IQCE: variants seen among roughly 807,000 people sequenced by gnomAD.
IQCE encodes the protein IQ motif containing E.
IQCE carries 115 observed loss-of-function variants against 96.0 expected under a neutral mutation model. That is an observed-to-expected ratio of 1.20 (90% CI 1.03 to 1.40). The LOEUF (loss-of-function observed/expected upper bound fraction) is 1.40, where lower values mean the gene tolerates loss of function less well. Among genes scored for constraint, IQCE ranks in the 40% most tolerant of loss-of-function variants. The pLI is 0.00. For missense variants in IQCE, 1,041 were observed against 909.1 expected (o/e 1.15, Z -1.87); for synonymous variants, 412 against 371.2 (o/e 1.11, Z -1.26).
rs970949970 is a variant in IQCE, at chr7:2,598,366, C to T, written c.1441-99C>T. On this transcript the variant is annotated intron_variant, in intron 16 of 21. Coordinates refer to ENST00000402050, the MANE Select transcript of IQCE (RefSeq NM_152558.5). ...ACATTAGTGAGACTCACCTGATAAG[C>T]GCAGCCGCACCATGCCGGGTAATAT... The T allele has an allele frequency of 1.0e-4, 124 of 1,212,038 alleles. 1 individual carries two copies. In the African/African-American group the frequency reaches 1.4e-3, roughly 13 times the overall value. The allele number at this position is 1,212,038 out of a possible 1,614,324, so 75.1% of individuals were successfully genotyped here.
At chr7:2,564,291 G>T (rs1248983679) in intron 1 of IQCE, among the ~76,000 whole-genome samples, 1 of 151,308 alleles carries the variant, frequency 6.6e-6, no homozygotes, top group Non-Finnish European at 1.5e-5. Context: ...TGATTATTTA[G>T]GAATTTGTTG....
chr7:2,593,859 T>G (rs895568812), intron 15 of IQCE, among the ~76,000 whole-genome samples: 2 of 152,192 alleles, frequency 1.3e-5, no homozygotes, highest in Non-Finnish European at 2.9e-5. Context: ...AAATAGTGAA[T>G]TCTATGTGAT....
chr7:2,608,572 C>T (rs999897042), intron 21 of IQCE, among the ~76,000 whole-genome samples: 1 of 152,202 alleles, frequency 6.6e-6, no homozygotes, highest in Admixed American at 6.5e-5. Context: ...TGTACAGACA[C>T]GCAAAGCGGT....
chr7:2,598,739 CAGGT>C, intron 17 of IQCE, 107 bp downstream of exon 17: 2 of 995,690 alleles, frequency 2.0e-6, no homozygotes, highest in Non-Finnish European at 1.4e-6. Context: ...AGCCAGGCCC[CAGGT>C]GTCTGAGCAC....
rs116591300 is a variant in IQCE at position 2,582,307 on chromosome 7, T to C, written c.631-273T>C. 9.6e-3 allele frequency among the ~76,000 whole-genome samples: 1,457 copies of C among 152,224 alleles called. 19 individuals are homozygous for C. Among genetic ancestry groups the C allele is most frequent in the African/African-American group, 0.033 (1,384 of 41,532 alleles). On this transcript the variant is annotated intron_variant, in intron 8 of 21. Coordinates refer to ENST00000402050, the MANE Select transcript of IQCE (RefSeq NM_152558.5). ...CTGTCCCCCAGGTGTGCAGTGTGCT[T>C]GGGGGAGGGCTGCCAGTCGGTCAGT... is the stretch of plus-strand genomic sequence containing the variant.
chr7:2,578,548 C>T (rs752641350), intron 8 of IQCE, 22 bp downstream of exon 8: 5 of 1,613,582 alleles, frequency 3.1e-6, no homozygotes, highest in Non-Finnish European at 3.4e-6. Context: ...GTGTGCAGGA[C>T]AGAGCCTTTC....
At chr7:2,590,503 G>A (rs191786144) in intron 14 of IQCE, among the ~76,000 whole-genome samples, 2 of 152,356 alleles carry the variant, frequency 1.3e-5, no homozygotes, top group Non-Finnish European at 2.9e-5. Context: ...GGTGGCTCAT[G>A]CCTGTAATCC....
chr7:2,607,624 C>T, intron 21 of IQCE: 3 of 1,034,890 alleles, frequency 2.9e-6, no homozygotes, highest in Non-Finnish European at 3.6e-6. Flanking sequence ...GGATGCCACA[C>T]CCTGGTGTGA....
chr7:2,588,027 G>A (rs1783263549), intron 13 of IQCE, 150 bp downstream of exon 13: 2 of 757,026 alleles, frequency 2.6e-6, no homozygotes, highest in East Asian at 5.3e-5. Flanking sequence ...ACTTCTTCCA[G>A]GTCTAGACAA....
At chr7:2,599,168 C>T (rs1260784068) in intron 17 of IQCE, among the ~76,000 whole-genome samples, 4 of 152,206 alleles carry the variant, frequency 2.6e-5, no homozygotes, top group African/African-American at 9.7e-5. Flanking sequence ...CCTTTCTTTT[C>T]TTTAACCAAC....
chr7:2,566,314 C>A (rs1400317714), intron 1 of IQCE, among the ~76,000 whole-genome samples: 1 of 147,034 alleles, frequency 6.8e-6, no homozygotes, highest in Non-Finnish European at 1.5e-5. Flanking sequence ...TTTTGGCCAT[C>A]CTCGTGCTGA....
chr7:2,562,303 A>ATATATATAC (rs1562614367), intron 1 of IQCE, among the ~76,000 whole-genome samples: 3 of 118,460 alleles, frequency 2.5e-5, no homozygotes, highest in African/African-American at 1.2e-4. Flanking sequence ...TATATATATA[A>ATATATATAC]AATCCTTTTC....
chr7:2,607,129 C>T lies in IQCE; in HGVS notation c.1871C>T (p.Thr624Ile). Residue 624 changes from threonine to isoleucine, a missense_variant, in exon 21 of 22, where the codon ACC (threonine) becomes ATC (isoleucine). Physicochemically the swap from Thr to Ile is moderately conservative, Grantham distance 89 (BLOSUM62 -1). Transcript: ENST00000402050. ...CGTTTTCTGTTTTTTTCCAGTGCTA[C>T]CGGTAAAAGAACCACCACCGCAGCT... ...AHLARARHSA[T>I]GKRTTTAAST... 2 of 1,598,094 alleles carry T rather than the reference C, an allele frequency of 1.3e-6. No homozygotes were observed. The highest frequency in any genetic ancestry group is 1.7e-6 in the Non-Finnish European group (2 of 1,173,548).
rs1350744022 is a variant in IQCE, at chr7:2,604,974, C to T, written c.1726C>T (p.Pro576Ser). Residue 576 changes from proline to serine, a missense_variant, in exon 19 of 22, where the codon CCA becomes TCA. Pro to Ser is a moderately conservative substitution (Grantham distance 74). Transcript: ENST00000402050. ...KAHGSEPPSV[P>S]GLPDQSSPVP... ...ACATGGCTCAGAGCCACCCAGCGTG[C>T]CAGGCCTCCCAGACCAGGTAATGTC... is the stretch of plus-strand genomic sequence containing the variant. The T allele has an allele frequency of 1.9e-6, 3 of 1,612,482 alleles. No individual in the cohort carries two copies. The South Asian group carries it at 3.3e-5, about 18-fold the overall frequency.
At chr7:2,592,960 C>T in intron 14 of IQCE, 62 bp from the exon 15 acceptor site, 1 of 1,528,328 alleles carries the variant, frequency 6.5e-7, no homozygotes, top group Non-Finnish European at 8.9e-7. Context: ...GAAGTGCCTT[C>T]CTGCTCTGAC....
rs370828021 is a variant in IQCE at position 2,565,793 on chromosome 7, T to C, written c.37-1323T>C. 6.4e-4 allele frequency among the ~76,000 whole-genome samples: 98 copies of C among 152,338 alleles called. 3 individuals carry two copies. The South Asian group carries it at 0.019, about 30-fold the overall frequency. On this transcript the variant is annotated intron_variant, in intron 1 of 21. Transcript: ENST00000402050. ...AAAAGGTCACCTTAAATAGGTGATATAAAAAATGATATAAAAAATTTCAGT... is the reference window on the plus strand; with the variant it reads ...AAAAGGTCACCTTAAATAGGTGATACAAAAAATGATATAAAAAATTTCAGT...
intron 6 of IQCE, among the ~76,000 whole-genome samples, chr7:2,575,243 G>T (rs1326893089): frequency 3.3e-5 from 5 of 152,184 alleles, no homozygotes; most frequent in African/African-American, 1.2e-4. Flanking sequence ...TAGGTCAAGG[G>T]GGTACCACCT....
At position 2,595,578 on chromosome 7, in the gene IQCE, C is replaced by T. The variant is rs117006365; in HGVS notation, c.1440+602C>T. ...TGGACGCTACCCGGGGGCAGCTAGTCGCGGCGGCGTCTCTGTGGCTCCGAG... is the reference window on the plus strand; with the variant it reads ...TGGACGCTACCCGGGGGCAGCTAGTTGCGGCGGCGTCTCTGTGGCTCCGAG... On this transcript the variant is annotated intron_variant, in intron 16 of 21. Coordinates refer to ENST00000402050, the MANE Select transcript of IQCE (RefSeq NM_152558.5). Among the ~76,000 whole-genome samples the T allele has an allele frequency of 2.6e-3, 392 of 152,314 alleles. 4 individuals are homozygous for T. The East Asian group carries it at 0.033, about 13-fold the overall frequency.
intron 14 of IQCE, among the ~76,000 whole-genome samples, chr7:2,591,425 T>C (rs1783577360): frequency 6.6e-6 from 1 of 152,096 alleles, no homozygotes; most frequent in South Asian, 2.1e-4. Flanking sequence ...GGCTCCTTCA[T>C]GAATCAGCCA....
Sources: allele counts gnomAD v4.1 joint callset (sites outside exome capture counted in the v4.1 genomes callset), GRCh38; gene constraint gnomAD v4.1.1; transcripts MANE v1.5; gene names NCBI Gene and HGNC (gene_info 2026-07-23, HGNC 2026-07-21).